SDC2: variants seen among roughly 807,000 people sequenced by gnomAD.
SDC2 encodes the protein syndecan-2.
Under a neutral mutation model 22.2 loss-of-function variants are expected in SDC2, and 13 were observed. That is an observed-to-expected ratio of 0.59 (90% CI 0.38 to 0.93). The LOEUF (loss-of-function observed/expected upper bound fraction) is 0.93, where lower values mean the gene tolerates loss of function less well. Ranked by LOEUF, SDC2 falls within the 40% of genes least tolerant of loss-of-function variation. SDC2 has a pLI of 0.00. For synonymous variants in SDC2, 94 were observed against 92.8 expected (o/e 1.01, Z -0.07); for missense variants, 235 against 246.8 (o/e 0.95, Z 0.32).
At chr8:96,518,504 AC>A (rs1255831734) in intron 1 of SDC2, among the ~76,000 whole-genome samples, 1 of 151,628 alleles carries the variant, frequency 6.6e-6, no homozygotes, top group Admixed American at 6.6e-5. Context: ...GGGACTACAG[AC>A]GCCCGCCACC....
intron 1 of SDC2, among the ~76,000 whole-genome samples, chr8:96,513,140 T>C (rs1234106400): frequency 6.6e-6 from 1 of 152,218 alleles, no homozygotes; most frequent in African/African-American, 2.4e-5. Flanking sequence ...GTTGTGACAG[T>C]CTTACATGAT....
At chr8:96,576,555 G>GACTACAGGCGCCCGCC (rs1256842545) in intron 1 of SDC2, among the ~76,000 whole-genome samples, 2 of 127,368 alleles carry the variant, frequency 1.6e-5, no homozygotes, top group African/African-American at 2.8e-5. Flanking sequence ...AAGTAGCTGG[G>GACTACAGGCGCCCGCC]ACTACAGGCG....
rs111645495 is a variant in SDC2, at chr8:96,495,599, TTGAA to T, written c.60+1271_60+1274del. 1.3e-3 allele frequency among the ~76,000 whole-genome samples: 203 copies of T among 152,338 alleles called. 6 individuals carry two copies. Among genetic ancestry groups the T allele is most frequent in the African/African-American group, 8.9e-4 (37 of 41,580 alleles). The stretch of plus-strand genomic sequence containing the variant: ...TAATAACGTGTCAATTTCTAATTAA[TTGAA>T]TGGTCTTTTCAAAGACAAATTATAT... On this transcript the variant is annotated intron_variant, in intron 1 of 4. Transcript: ENST00000302190.
intron 1 of SDC2, among the ~76,000 whole-genome samples, chr8:96,566,818 G>A (rs1814306819): frequency 6.6e-6 from 1 of 151,826 alleles, no homozygotes; most frequent in Non-Finnish European, 1.5e-5. Flanking sequence ...GGGGGGTGTG[G>A]TTATGTGTTT....
intron 1 of SDC2, among the ~76,000 whole-genome samples, chr8:96,565,084 A>ATTGATTTTTTTTTTTTTTTTT (rs1814273953): frequency 1.5e-5 from 1 of 67,800 alleles, no homozygotes; most frequent in Non-Finnish European, 2.9e-5. Context: ...CCTAAATTTG[A>ATTGATTTTTTTTTTTTTTTTT]TTTTTTTTTT....
chr8:96,580,456 AGGGGT>A, intron 1 of SDC2: 1 of 985,288 alleles, frequency 1.0e-6, no homozygotes, highest in Non-Finnish European at 1.2e-6. Flanking sequence ...GTTGCCACTG[AGGGGT>A]GGACATGTTT....
At chr8:96,535,210 T>C (rs942647699) in intron 1 of SDC2, among the ~76,000 whole-genome samples, 3 of 152,174 alleles carry the variant, frequency 2.0e-5, no homozygotes, top group Non-Finnish European at 4.4e-5. Flanking sequence ...GGTTTCACCA[T>C]GTTGGCCAGG....
At chr8:96,576,384 G>GTTTTTTTTTTT (rs1236267155) in intron 1 of SDC2, among the ~76,000 whole-genome samples, 2 of 50,960 alleles carry the variant, frequency 3.9e-5, no homozygotes, top group Non-Finnish European at 3.8e-5. Flanking sequence ...GTTTTGTTTT[G>GTTTTTTTTTTT]TTTTTTTTTA....
intron 1 of SDC2, among the ~76,000 whole-genome samples, chr8:96,504,921 A>G (rs2582815): frequency 0.046 from 6,974 of 152,022 alleles, 207 homozygotes; most frequent in East Asian, 0.16. Flanking sequence ...TGGGTAGGTA[A>G]AGGAAAATTA....
In SDC2 at chr8:96,609,975, C is replaced by G. The variant is rs1304278451; in HGVS notation, c.*427C>G. 1 of 153,382 alleles carries G rather than the reference C, an allele frequency of 6.5e-6. No homozygotes were observed. Among genetic ancestry groups the G allele is most frequent in the Non-Finnish European group, 1.5e-5 (1 of 68,656 alleles). 9.5% of individuals were successfully genotyped at this position (153,382 alleles called of 1,614,324 possible). On this transcript the variant is annotated 3_prime_UTR_variant, in exon 5 of 5. Transcript: ENST00000302190. ...TCTCCTCTGCCCTCCCTTCTTGTGC[C>G]CTTAAAACCAAACCCTATGCCTTTT...
intron 1 of SDC2, among the ~76,000 whole-genome samples, chr8:96,517,765 GTGTGCA>G (rs1422751351): frequency 2.3e-5 from 2 of 87,630 alleles, no homozygotes; most frequent in Non-Finnish European, 4.6e-5. Context: ...ACGTTTGTGT[GTGTGCA>G]TGTGTGTGTG....
At chr8:96,547,769 A>G (rs1813959380) in intron 1 of SDC2, among the ~76,000 whole-genome samples, 1 of 148,628 alleles carries the variant, frequency 6.7e-6, no homozygotes, top group Non-Finnish European at 1.5e-5. Flanking sequence ...GTATGTATGT[A>G]TTTGCTTTTG....
intron 1 of SDC2, among the ~76,000 whole-genome samples, chr8:96,511,101 G>C (rs551869715): frequency 3.9e-5 from 6 of 152,242 alleles, no homozygotes; most frequent in Non-Finnish European, 7.4e-5. Context: ...AACTTTGCAG[G>C]TAGGGCCCAG....
In SDC2 at chr8:96,554,318, A is replaced by G. The variant is rs550336069; in HGVS notation, c.61-39162A>G. Among the ~76,000 whole-genome samples the G allele has an allele frequency of 2.6e-5, 4 of 152,308 alleles. No individual in the cohort carries two copies. The East Asian group carries it at 7.7e-4, about 29-fold the overall frequency. On this transcript the variant is annotated intron_variant, in intron 1 of 4. Transcript: ENST00000302190. ...TAATGCAAGTTAACTTCTAAATTTT[A>G]ATAAAATTTTGAGTTTTGTGAATAC...
intron 1 of SDC2, among the ~76,000 whole-genome samples, chr8:96,514,752 C>T (rs563577776): frequency 5.6e-4 from 85 of 152,222 alleles, no homozygotes; most frequent in Non-Finnish European, 8.8e-4. Flanking sequence ...AGATTCCTCG[C>T]CTGTGTAATT....
chr8:96,602,647 A>G, intron 3 of SDC2, 119 bp downstream of exon 3: 3 of 1,084,064 alleles, frequency 2.8e-6, no homozygotes, highest in Non-Finnish European at 4.0e-6. Flanking sequence ...CCCATCATGA[A>G]CTATGTACAC....
intron 1 of SDC2, among the ~76,000 whole-genome samples, chr8:96,585,853 GTTTTTTTTTT>G (rs199970598): frequency 0.016 from 2,308 of 145,440 alleles, 53 homozygotes; most frequent in African/African-American, 0.047. Flanking sequence ...CTGGCAAGAG[GTTTTTTTTTT>G]TTTTTTTTTT....
At position 96,494,132 on chromosome 8, in the gene SDC2, C is replaced by A. The variant is rs1563635938; in HGVS notation, c.-140C>A. The A allele has an allele frequency of 8.5e-6, 7 of 823,444 alleles. No individual in the cohort carries two copies. In the Admixed American group the frequency reaches 1.3e-4, roughly 16 times the overall value. The allele number at this position is 823,444 out of a possible 1,614,324, so 51.0% of individuals were successfully genotyped here. A position where few individuals can be genotyped will look rare whatever the true frequency, so the allele number is the denominator to read the frequency against. On this transcript the variant is annotated 5_prime_UTR_variant, in exon 1 of 5. Transcript: ENST00000302190. ...AGCGAGCGCCCCCGAGCCCCGAGCC[C>A]GAGTCCCCGAGCCTGAGCCGCAATC... is the stretch of plus-strand genomic sequence containing the variant.
chr8:96,584,009 A>AT (rs1201094868), intron 1 of SDC2, among the ~76,000 whole-genome samples: 1 of 152,210 alleles, frequency 6.6e-6, no homozygotes, highest in Non-Finnish European at 1.5e-5. Context: ...ATCTGGTCAA[A>AT]TAGTATAAAA....
Sources: gnomAD v4.1 joint callset for allele counts (sites outside exome capture counted in the v4.1 genomes callset) on GRCh38, gnomAD v4.1.1 for gene constraint, MANE v1.5 for transcripts, NCBI Gene and HGNC (gene_info 2026-07-23, HGNC 2026-07-21) for gene names.